The following RBMS3 variants were observed in gnomAD, a reference collection of about 807,000 sequenced individuals.
RBMS3 encodes the protein RNA-binding motif, single-stranded-interacting protein 3.
RBMS3 carries 27 observed loss-of-function variants against 66.8 expected under a neutral mutation model. The observed-to-expected ratio is 0.40, with a 90% CI of 0.30 to 0.56. RBMS3 has a LOEUF of 0.56. RBMS3 is among the 20% of genes least tolerant of loss of function. The pLI, the probability that RBMS3 is intolerant of heterozygous loss-of-function variation, is 0.40. For missense variants in RBMS3, 513 were observed against 549.5 expected (o/e 0.93, Z 0.66); for synonymous variants, 188 against 183.0 (o/e 1.03, Z -0.22).
intron 4 of RBMS3, among the ~76,000 whole-genome samples, chr3:29,702,550 T>C (rs2052662925): frequency 6.6e-6 from 1 of 152,202 alleles, no homozygotes; most frequent in South Asian, 2.1e-4. Flanking sequence ...CTGCTCACTT[T>C]TTGAGTCCAC....
intron 6 of RBMS3, among the ~76,000 whole-genome samples, chr3:29,794,414 G>A (rs150864642): frequency 4.7e-4 from 72 of 151,996 alleles, no homozygotes; most frequent in African/African-American, 1.5e-3. Context: ...GTGAAACCCC[G>A]TCTCTACTAA....
intron 5 of RBMS3, among the ~76,000 whole-genome samples, chr3:29,757,546 G>A (rs1422678012): frequency 1.3e-5 from 2 of 152,158 alleles, no homozygotes; most frequent in African/African-American, 4.8e-5. Context: ...AAATCACCTG[G>A]GTAGCTTTGA....
intron 1 of RBMS3, among the ~76,000 whole-genome samples, chr3:29,394,703 C>T (rs1160187544): frequency 6.6e-6 from 1 of 152,192 alleles, no homozygotes; most frequent in Non-Finnish European, 1.5e-5. Context: ...TGACTTCCCA[C>T]AACACCAAAC....
chr3:29,400,494 A>T (rs890252865), intron 1 of RBMS3, among the ~76,000 whole-genome samples: 3 of 151,996 alleles, frequency 2.0e-5, no homozygotes, highest in African/African-American at 4.8e-5. Flanking sequence ...CTGGAGATGG[A>T]TGGTGGTAGT....
intron 6 of RBMS3, among the ~76,000 whole-genome samples, chr3:29,820,103 C>A (rs746070903): frequency 6.8e-6 from 1 of 147,498 alleles, no homozygotes; most frequent in African/African-American, 2.5e-5. Context: ...GCTGAGACAT[C>A]GCTTGAACCT....
At chr3:29,742,666 A>G (rs976383802) in intron 5 of RBMS3, among the ~76,000 whole-genome samples, 2 of 152,220 alleles carry the variant, frequency 1.3e-5, no homozygotes, top group African/African-American at 4.8e-5. Context: ...TATCACGATT[A>G]CAATGAATTC....
intron 3 of RBMS3, among the ~76,000 whole-genome samples, chr3:29,555,585 G>A (rs1283311346): frequency 6.6e-6 from 1 of 152,110 alleles, no homozygotes; most frequent in Non-Finnish European, 1.5e-5. Flanking sequence ...AAAACAAGGT[G>A]CAAGAAATCA....
Position 29,727,143 on chromosome 3 carries a change from T to C in RBMS3, c.400-12577T>C, listed in dbSNP as rs796595701. Reference sequence around the variant, plus strand: ...GGATTCCCTATTTAATAAATGGTGCTTGGAAAACTGGCTAGCCATATGCAG... The same window carrying C: ...GGATTCCCTATTTAATAAATGGTGCCTGGAAAACTGGCTAGCCATATGCAG... On this transcript the variant is annotated intron_variant, in intron 4 of 14. Transcript: ENST00000383767. Among the ~76,000 whole-genome samples, 6 of 152,280 alleles carry C rather than the reference T, an allele frequency of 3.9e-5. 1 individual carries two copies. Among genetic ancestry groups the C allele is most frequent in the African/African-American group, 1.4e-4 (6 of 41,550 alleles).
At chr3:29,433,831 T>C (rs2041298850) in intron 1 of RBMS3, among the ~76,000 whole-genome samples, 1 of 152,232 alleles carries the variant, frequency 6.6e-6, no homozygotes, top group Non-Finnish European at 1.5e-5. Flanking sequence ...CATTTTATCA[T>C]TTTAATTTTG....
intron 3 of RBMS3, among the ~76,000 whole-genome samples, chr3:29,525,124 T>C (rs2045042334): frequency 6.6e-6 from 1 of 152,154 alleles, no homozygotes; most frequent in Non-Finnish European, 1.5e-5. Context: ...CATTTACCTT[T>C]TTTTCCTTTA....
intron 3 of RBMS3, among the ~76,000 whole-genome samples, chr3:29,574,124 A>T (rs1315266432): frequency 6.6e-6 from 1 of 152,124 alleles, no homozygotes; most frequent in Non-Finnish European, 1.5e-5. Context: ...TTGAGTTTCT[A>T]TCTGGGAGAT....
intron 12 of RBMS3, among the ~76,000 whole-genome samples, chr3:29,960,702 G>A (rs899019621): frequency 5.3e-5 from 8 of 152,090 alleles, no homozygotes; most frequent in Non-Finnish European, 1.0e-4. Context: ...CTTGACTTGT[G>A]TGCACCTGCA....
chr3:29,688,625 C>T (rs2051842979), intron 4 of RBMS3, among the ~76,000 whole-genome samples: 1 of 113,976 alleles, frequency 8.8e-6, no homozygotes, highest in Non-Finnish European at 1.6e-5. Context: ...GCTCTGTCAC[C>T]AGGCTGGAGT....
chr3:29,626,048 A>G (rs1184356425), intron 4 of RBMS3, among the ~76,000 whole-genome samples: 2 of 152,216 alleles, frequency 1.3e-5, no homozygotes, highest in Non-Finnish European at 2.9e-5. Flanking sequence ...AACAGTGTGT[A>G]TGTGATGGGT....
chr3:29,504,864 T>C (rs974835673), intron 3 of RBMS3, among the ~76,000 whole-genome samples: 1 of 152,156 alleles, frequency 6.6e-6, no homozygotes, highest in Non-Finnish European at 1.5e-5. Context: ...TGTTTTCATA[T>C]ACCTGTCGGC....
chr3:29,942,942 A>G (rs2061427845), intron 11 of RBMS3, among the ~76,000 whole-genome samples: 1 of 151,650 alleles, frequency 6.6e-6, no homozygotes, highest in Admixed American at 6.6e-5. Flanking sequence ...TTTGGGGATT[A>G]TAATCAACTC....
At chr3:29,728,420 C>T (rs1464611735) in intron 4 of RBMS3, among the ~76,000 whole-genome samples, 2 of 152,064 alleles carry the variant, frequency 1.3e-5, no homozygotes, top group African/African-American at 2.4e-5. Context: ...TGCCGGCAAT[C>T]GTGATGAAAG....
chr3:29,729,426 T>C lies in RBMS3; in HGVS notation c.400-10294T>C, dbSNP rs150868667. 2.4e-3 allele frequency among the ~76,000 whole-genome samples: 368 copies of C among 152,266 alleles called. 2 individuals carry two copies. Among genetic ancestry groups the C allele is most frequent in the African/African-American group, 8.5e-3 (355 of 41,532 alleles). ...GGTTGATTCCAAGTCTTTGCTATTG[T>C]GAATAGTGCCGCAATAAACATACGC... is the stretch of plus-strand genomic sequence containing the variant. On this transcript the variant is annotated intron_variant, in intron 4 of 14. Transcript: ENST00000383767.
intron 5 of RBMS3, among the ~76,000 whole-genome samples, chr3:29,746,494 A>G (rs1348193194): frequency 1.3e-5 from 2 of 152,118 alleles, no homozygotes; most frequent in African/African-American, 4.8e-5. Context: ...GGTAATTTTA[A>G]TTCTTCTTCT....
Sources: gnomAD v4.1 joint callset for allele counts (sites outside exome capture counted in the v4.1 genomes callset) on GRCh38, gnomAD v4.1.1 for gene constraint, MANE v1.5 for transcripts, NCBI Gene and HGNC (gene_info 2026-07-23, HGNC 2026-07-21) for gene names.